SESTD1: variants seen among roughly 807,000 people sequenced by gnomAD.
SESTD1 encodes the protein SEC14 and spectrin domain containing 1, also known as SEC14 domain and spectrin repeat-containing protein 1.
Under a neutral mutation model 101.7 loss-of-function variants are expected in SESTD1, and 43 were observed. The observed-to-expected ratio is 0.42, with a 90% CI of 0.33 to 0.55. SESTD1 has a LOEUF of 0.55. Ranked by LOEUF, SESTD1 falls within the 20% of genes least tolerant of loss-of-function variation. The pLI is 0.07. For missense variants in SESTD1, 647 were observed against 815.1 expected, an observed-to-expected ratio of 0.79 and a Z score of 2.51; for synonymous variants, 283 against 286.8, an observed-to-expected ratio of 0.99 and a Z score of 0.13.
Position 179,140,753 on chromosome 2 carries a change from T to C in SESTD1, c.849+2839A>G, listed in dbSNP as rs1038041705. Among the ~76,000 whole-genome samples, 16 of 152,220 alleles carry C rather than the reference T, an allele frequency of 1.1e-4. No individual in the cohort carries two copies. In the East Asian group the frequency reaches 1.2e-3, roughly 11 times the overall value. The stretch of plus-strand genomic sequence containing the variant: ...TGTTGCTCTTGGCCTTGCCACTCCA[T>C]GCCCTGTGGTCACCAGTGACCTCAA... On this transcript the variant is annotated intron_variant, in intron 9 of 17. Transcript: ENST00000428443.
intron 10 of SESTD1, among the ~76,000 whole-genome samples, chr2:179,127,293 A>G (rs1481209701): frequency 6.6e-6 from 1 of 152,166 alleles, no homozygotes; most frequent in Admixed American, 6.5e-5. Flanking sequence ...AAGGTTTCTG[A>G]TTAAATGTCA....
At chr2:179,142,771 A>C (rs747973442) in intron 9 of SESTD1, among the ~76,000 whole-genome samples, 17 of 152,180 alleles carry the variant, frequency 1.1e-4, no homozygotes, top group Non-Finnish European at 1.8e-4. Context: ...TAGAGAAATA[A>C]TCCATCCTAT....
In SESTD1 at chr2:179,104,369, G is replaced by A. The variant is rs2044335512; in HGVS notation, c.*5530C>T. ...ATAAAGATAACATAAGAGTTAAGAT[G>A]AGAAAACATTCCTAAGAGAAAAATC... is the stretch of plus-strand genomic sequence containing the variant. On this transcript the variant is annotated 3_prime_UTR_variant, in exon 18 of 18. Coordinates refer to ENST00000428443, the MANE Select transcript of SESTD1 (RefSeq NM_178123.5). 6.6e-6 allele frequency: 1 copy of A among 152,106 alleles called. No individual in the cohort carries two copies. The highest frequency in any genetic ancestry group is 1.5e-5 in the Non-Finnish European group (1 of 67,998). 9.4% of individuals were successfully genotyped at this position (152,106 alleles called of 1,614,324 possible).
chr2:179,236,276 C>G (rs1033809651), intron 1 of SESTD1, among the ~76,000 whole-genome samples: 3 of 149,550 alleles, frequency 2.0e-5, no homozygotes, highest in African/African-American at 7.4e-5. Flanking sequence ...TTGCTTGACC[C>G]CAAGAGTTCA....
At chr2:179,255,217 A>AG (rs1212188021) in intron 1 of SESTD1, among the ~76,000 whole-genome samples, 1 of 152,194 alleles carries the variant, frequency 6.6e-6, no homozygotes, top group Non-Finnish European at 1.5e-5. Flanking sequence ...TGAAAGGAGG[A>AG]GTCACATTTC....
chr2:179,250,677 G>C (rs550224740), intron 1 of SESTD1, among the ~76,000 whole-genome samples: 2 of 143,962 alleles, frequency 1.4e-5, no homozygotes, highest in South Asian at 4.6e-4. Context: ...CCACTCTAAA[G>C]ACCCAATTTC....
chr2:179,185,732 A>G (rs1268888678), intron 2 of SESTD1, among the ~76,000 whole-genome samples: 3 of 99,066 alleles, frequency 3.0e-5, no homozygotes, highest in African/African-American at 1.4e-4. Context: ...CATATTATAT[A>G]TAATATAATA....
chr2:179,204,307 A>G lies in SESTD1; in HGVS notation c.-25-12441T>C, dbSNP rs371098127. Among the ~76,000 whole-genome samples the G allele has an allele frequency of 5.9e-5, 8 of 134,518 alleles. 1 individual carries two copies. In the South Asian group the frequency reaches 2.3e-3, roughly 39 times the overall value. The allele number at this position is 134,518 out of a possible 152,430, so 88.2% of individuals were successfully genotyped here. ...GCTATTGCCATAAGTAGCTAAAAAT[A>G]AATCTAATAATGCCCCACCAGACAT... On this transcript the variant is annotated intron_variant, in intron 1 of 17. Coordinates refer to ENST00000428443, the MANE Select transcript of SESTD1 (RefSeq NM_178123.5).
intron 3 of SESTD1, among the ~76,000 whole-genome samples, chr2:179,179,272 C>T (rs1281926792): frequency 6.6e-6 from 1 of 152,072 alleles, no homozygotes; most frequent in Admixed American, 6.6e-5. Context: ...CCACTGTTAG[C>T]ATGTTTATAA....
intron 3 of SESTD1, among the ~76,000 whole-genome samples, chr2:179,181,253 C>T (rs1213420443): frequency 2.0e-5 from 3 of 152,150 alleles, no homozygotes; most frequent in Non-Finnish European, 4.4e-5. Flanking sequence ...GGTCCTTTAG[C>T]CTCCCTCAGT....
chr2:179,151,610 C>T (rs967373972), intron 5 of SESTD1, among the ~76,000 whole-genome samples: 6 of 148,208 alleles, frequency 4.0e-5, no homozygotes, highest in Non-Finnish European at 1.5e-5. Flanking sequence ...TTTTAAAAAA[C>T]AACAGGTACC....
rs1212472086 is a variant in SESTD1, at chr2:179,127,472, T to C, written c.973-2914A>G. Reference sequence around the variant, plus strand: ...TTCATTGATTGAAGGTATAAAACATTAATCACTGTAGATTTACTGACATTA... The same window carrying C: ...TTCATTGATTGAAGGTATAAAACATCAATCACTGTAGATTTACTGACATTA... On this transcript the variant is annotated intron_variant, in intron 10 of 17. Transcript: ENST00000428443. Among the ~76,000 whole-genome samples, 3 of 152,220 alleles carry C rather than the reference T, an allele frequency of 2.0e-5. No homozygotes were observed. The East Asian group carries it at 5.8e-4, about 29-fold the overall frequency.
intron 1 of SESTD1, among the ~76,000 whole-genome samples, chr2:179,199,058 G>C (rs527394766): frequency 1.3e-5 from 2 of 152,172 alleles, no homozygotes; most frequent in South Asian, 2.1e-4. Context: ...TAGAGCGCTA[G>C]CAAGACTAAT....
At chr2:179,166,085 A>G (rs921625614) in intron 5 of SESTD1, among the ~76,000 whole-genome samples, 1 of 152,192 alleles carries the variant, frequency 6.6e-6, no homozygotes, top group Non-Finnish European at 1.5e-5. Flanking sequence ...CCAGCCAGGT[A>G]GGAATTTAGG....
chr2:179,198,821 T>A (rs2046449855), intron 1 of SESTD1, among the ~76,000 whole-genome samples: 2 of 150,896 alleles, frequency 1.3e-5, no homozygotes, highest in African/African-American at 4.9e-5. Context: ...TAGAGGGAAA[T>A]TTATAGCACT....
chr2:179,225,629 C>CA (rs1239597931), intron 1 of SESTD1, among the ~76,000 whole-genome samples: 4 of 152,162 alleles, frequency 2.6e-5, no homozygotes, highest in African/African-American at 7.2e-5. Context: ...CCACCAGGTT[C>CA]AGTGCCTGGT....
chr2:179,168,706 G>A (rs959451508), intron 5 of SESTD1, among the ~76,000 whole-genome samples: 1 of 152,132 alleles, frequency 6.6e-6, no homozygotes, highest in African/African-American at 2.4e-5. Flanking sequence ...AAAAAGAAAC[G>A]AAGAATGCCA....
At position 179,103,628 on chromosome 2, in the gene SESTD1, A is replaced by C. The variant is rs1354900217; in HGVS notation, c.*6271T>G. ...CAATAAAAAAGAACAGCAATAAAAA[A>C]ATGAAGCCTTGTAGAAAAGCGTACA... On this transcript the variant is annotated 3_prime_UTR_variant, in exon 18 of 18. Coordinates refer to ENST00000428443, the MANE Select transcript of SESTD1 (RefSeq NM_178123.5). 1 of 152,168 alleles carries C rather than the reference A, an allele frequency of 6.6e-6. No homozygotes were observed. The highest frequency in any genetic ancestry group is 2.4e-5 in the African/African-American group (1 of 41,454). The allele number at this position is 152,168 out of a possible 1,614,324, so 9.4% of individuals were successfully genotyped here.
chr2:179,149,935 T>A (rs77057370), intron 6 of SESTD1, among the ~76,000 whole-genome samples: 7 of 152,310 alleles, frequency 4.6e-5, no homozygotes, highest in Non-Finnish European at 8.8e-5. Flanking sequence ...TTTTTAAATA[T>A]GGTGGAAATA....
Sources: gnomAD v4.1 joint callset for allele counts (sites outside exome capture counted in the v4.1 genomes callset) on GRCh38, gnomAD v4.1.1 for gene constraint, MANE v1.5 for transcripts, NCBI Gene and HGNC (gene_info 2026-07-23, HGNC 2026-07-21) for gene names.